The following GATA4 variants were observed in gnomAD, a reference collection of about 807,000 sequenced individuals.
GATA4 encodes transcription factor GATA-4.
A neutral mutation model predicts 37.9 loss-of-function variants in GATA4; 7 were observed. The observed-to-expected ratio is 0.18, with a 90% CI of 0.11 to 0.35. GATA4 has a LOEUF of 0.35. GATA4 is among the 10% of genes least tolerant of loss of function. The pLI is 1.00. For missense variants in GATA4, 647 were observed against 653.0 expected, an observed-to-expected ratio of 0.99 and a Z score of 0.10; for synonymous variants, 372 against 292.6, an observed-to-expected ratio of 1.27 and a Z score of -2.77.
At chr8:11,690,608 C>T (rs905332369), upstream of GATA4, among the ~76,000 whole-genome samples, 17 of 152,064 alleles carry the variant, frequency 1.1e-4, no homozygotes, top group African/African-American at 4.1e-4. Flanking sequence ...GGGCTGTAAT[C>T]CCAGCACTTC....
chr8:11,756,890 T>A, intron 5 of GATA4, 45 bp from the exon 6 acceptor site: 1 of 1,614,066 alleles, frequency 6.2e-7, no homozygotes, highest in Non-Finnish European at 8.5e-7. Flanking sequence ...GCTGTTCGTT[T>A]GTCCCTGCCG....
intron 4 of GATA4, among the ~76,000 whole-genome samples, chr8:11,751,933 A>T (rs1398111623): frequency 1.3e-5 from 2 of 152,220 alleles, no homozygotes; most frequent in African/African-American, 4.8e-5. Context: ...TGGCAGGTCT[A>T]CTGTTGGGAA....
At chr8:11,727,745 G>A (rs895468426) in intron 2 of GATA4, among the ~76,000 whole-genome samples, 12 of 152,112 alleles carry the variant, frequency 7.9e-5, no homozygotes, top group African/African-American at 2.9e-4. Flanking sequence ...GGAGGCTGCG[G>A]TGGGACGATC....
Position 11,758,794 on chromosome 8 carries a change from T to G in GATA4, c.*319T>G. On this transcript the variant is annotated 3_prime_UTR_variant, in exon 7 of 7. Coordinates refer to ENST00000532059, the MANE Select transcript of GATA4 (RefSeq NM_001308093.3). ...CCCACTGTGGCCTAGACCGTGGGTTTTGCATTGTGTTTCTAGCACCGAGGA... is the reference window on the plus strand; with the variant it reads ...CCCACTGTGGCCTAGACCGTGGGTTGTGCATTGTGTTTCTAGCACCGAGGA... 1 of 400,434 alleles carries G rather than the reference T, an allele frequency of 2.5e-6. No individual in the cohort carries two copies. Among genetic ancestry groups the G allele is most frequent in the Non-Finnish European group, 4.7e-6 (1 of 210,852 alleles). 24.8% of individuals were successfully genotyped at this position (400,434 alleles called of 1,614,324 possible). A position where few individuals can be genotyped will look rare whatever the true frequency, so the allele number is the denominator to read the frequency against.
At chr8:11,726,139 G>C (rs748149546) in intron 2 of GATA4, among the ~76,000 whole-genome samples, 154 of 152,214 alleles carry the variant, frequency 1.0e-3, no homozygotes, top group Non-Finnish European at 2.6e-4. Context: ...ATGCAGCCCG[G>C]AATCCATCCT....
In GATA4 at chr8:11,683,041, C is replaced by G. The variant is rs980046822; in HGVS notation, c.-274+5978C>G. On this transcript the variant is annotated intron_variant, in intron 1 of 6. Transcript: ENST00000528712. ...AAACAGCCTCGGTGCGCGGGGGTTT[C>G]TCGACAGCTCTCTGGTGTCTCTTAC... 1.8e-5 allele frequency: 18 copies of G among 985,194 alleles called. No individual in the cohort carries two copies. In the African/African-American group the frequency reaches 3.1e-4, roughly 17 times the overall value. The allele number at this position is 985,194 out of a possible 1,614,324, so 61.0% of individuals were successfully genotyped here.
chr8:11,756,859 C>T (rs1163669064), intron 5 of GATA4, 76 bp from the exon 6 acceptor site: 36 of 1,601,702 alleles, frequency 2.2e-5, no homozygotes, highest in Admixed American at 5.0e-5. Context: ...GCACCCATCC[C>T]GGCTGTCTCG....
chr8:11,729,585 G>T (rs1419552251), intron 2 of GATA4, among the ~76,000 whole-genome samples: 1 of 151,400 alleles, frequency 6.6e-6, no homozygotes, highest in Non-Finnish European at 1.5e-5. Flanking sequence ...AAGCTACTTA[G>T]GTTGAACACA....
chr8:11,757,026 C>T lies in GATA4; in HGVS notation c.1092C>T (p.Pro364=). ...CCAGCAGCAGCGAGGAGATGCGTCC[C>T]ATCAAGACGGAGCCTGGCCTGTCAT... ...ATTSSSEEMR[P]IKTEPGLSSH... Residue 364 remains proline, a synonymous_variant, in exon 6 of 7, where the codon CCC becomes CCT. Transcript: ENST00000532059. The T allele has an allele frequency of 6.2e-7, 1 of 1,614,238 alleles. No homozygotes were observed. The highest frequency in any genetic ancestry group is 8.5e-7 in the Non-Finnish European group (1 of 1,180,046).
At chr8:11,735,557 G>C (rs11250161) in intron 2 of GATA4, among the ~76,000 whole-genome samples, 144,808 of 151,496 alleles carry the variant, frequency 0.96, 69,462 homozygotes, top group East Asian at 0.99. Context: ...TTGTTTGTTT[G>C]TTTCTTTCTT....
chr8:11,688,525 C>G (rs1433034623), upstream of GATA4, among the ~76,000 whole-genome samples: 1 of 27,022 alleles, frequency 3.7e-5, no homozygotes, highest in Admixed American at 5.1e-4. Context: ...TGCGCGCATG[C>G]ACACACACAC....
chr8:11,732,545 T>C (rs1039816166), intron 2 of GATA4, among the ~76,000 whole-genome samples: 4 of 152,186 alleles, frequency 2.6e-5, no homozygotes, highest in African/African-American at 9.7e-5. Flanking sequence ...AAAAACTAAC[T>C]GCTATTGCAA....
chr8:11,690,029 G>C (rs1799259886), upstream of GATA4, among the ~76,000 whole-genome samples: 1 of 152,226 alleles, frequency 6.6e-6, no homozygotes, highest in Non-Finnish European at 1.5e-5. Context: ...AAAATGAGTG[G>C]ATTGGACCAG....
At chr8:11,692,003 A>G, upstream of GATA4, 3 of 985,164 alleles carry the variant, frequency 3.0e-6, no homozygotes, top group Non-Finnish European at 3.6e-6. Context: ...TCATTCAGGG[A>G]GACTGCTTCG....
intron 4 of GATA4, among the ~76,000 whole-genome samples, chr8:11,751,334 G>C (rs2130319148): frequency 6.6e-6 from 1 of 152,302 alleles, no homozygotes; most frequent in South Asian, 2.1e-4. Flanking sequence ...ATATGAGGAA[G>C]AATATAATTT....
intron 4 of GATA4, among the ~76,000 whole-genome samples, chr8:11,752,488 T>C (rs1483899886): frequency 6.6e-6 from 1 of 152,178 alleles, no homozygotes; most frequent in Non-Finnish European, 1.5e-5. Context: ...TCATGAGACT[T>C]ACTCACTATA....
In GATA4 at chr8:11,734,133, T is replaced by C. The variant is rs572388591; in HGVS notation, c.617-14783T>C. Among the ~76,000 whole-genome samples the C allele has an allele frequency of 2.3e-4, 35 of 152,360 alleles. No individual in the cohort carries two copies. In the South Asian group the frequency reaches 6.8e-3, roughly 30 times the overall value. ...ACCAAGCATAAGTGTTTTATACATATACATTTGAACATGGCTAAAATATAT... is the reference window on the plus strand; with the variant it reads ...ACCAAGCATAAGTGTTTTATACATACACATTTGAACATGGCTAAAATATAT... On this transcript the variant is annotated intron_variant, in intron 2 of 6. Coordinates refer to ENST00000532059, the MANE Select transcript of GATA4 (RefSeq NM_001308093.3).
chr8:11,729,549 G>A (rs1242240480), intron 2 of GATA4, among the ~76,000 whole-genome samples: 2 of 117,454 alleles, frequency 1.7e-5, no homozygotes, highest in African/African-American at 3.0e-5. Context: ...GTGCGAGACT[G>A]TGTCTCAAAA....
At chr8:11,716,917 T>C (rs1341845488) in intron 2 of GATA4, among the ~76,000 whole-genome samples, 1 of 152,258 alleles carries the variant, frequency 6.6e-6, no homozygotes, top group Non-Finnish European at 1.5e-5. Context: ...CTAGTTTTCC[T>C]TTCCTTGTTC....
Sources: gnomAD v4.1 joint callset for allele counts (sites outside exome capture counted in the v4.1 genomes callset) on GRCh38, gnomAD v4.1.1 for gene constraint, MANE v1.5 for transcripts, NCBI Gene and HGNC (gene_info 2026-07-23, HGNC 2026-07-21) for gene names.